Variants in SOX5 observed in about 807,000 individuals in gnomAD.
SOX5 encodes transcription factor SOX-5.
In SOX5, 9 loss-of-function variants were observed where a neutral mutation model predicts 92.0. The ratio of observed to expected loss-of-function variants is 0.10; its 90% CI spans 0.06 to 0.17. The LOEUF is 0.17. SOX5 is among the 10% of genes least tolerant of loss of function. The pLI, the probability that SOX5 is intolerant of heterozygous loss-of-function variation, is 1.00. For synonymous variants in SOX5, 344 were observed against 336.3 expected (o/e 1.02, Z -0.25); for missense variants, 642 against 944.5 (o/e 0.68, Z 4.20).
chr12:24,375,703 T>C (rs1957191924), intron 1 of SOX5, among the ~76,000 whole-genome samples: 1 of 135,436 alleles, frequency 7.4e-6, no homozygotes, highest in Admixed American at 8.1e-5. Flanking sequence ...GCCATTGCAC[T>C]CCAGCCTAGG....
chr12:23,780,904 A>C (rs2095264769), intron 3 of SOX5, among the ~76,000 whole-genome samples: 1 of 151,982 alleles, frequency 6.6e-6, no homozygotes, highest in African/African-American at 2.4e-5. Flanking sequence ...TAGAGGCTCT[A>C]CTCTAGACAT....
intron 12 of SOX5, among the ~76,000 whole-genome samples, chr12:23,544,919 G>A (rs1942821910): frequency 6.6e-6 from 1 of 152,094 alleles, no homozygotes; most frequent in Non-Finnish European, 1.5e-5. Context: ...AGCAACATAA[G>A]CAATAAAATG....
At chr12:24,101,354 G>A (rs1946072467) in intron 4 of SOX5, among the ~76,000 whole-genome samples, 1 of 152,006 alleles carries the variant, frequency 6.6e-6, no homozygotes, top group African/African-American at 2.4e-5. Flanking sequence ...TACAATTCCT[G>A]TGAATGCCCC....
intron 4 of SOX5, among the ~76,000 whole-genome samples, chr12:24,029,970 A>G (rs1955300798): frequency 6.6e-6 from 1 of 151,934 alleles, no homozygotes; most frequent in South Asian, 2.1e-4. Flanking sequence ...CTTCATGTGT[A>G]TTAATACCTT....
chr12:24,454,778 G>A (rs1373916889), intron 1 of SOX5, among the ~76,000 whole-genome samples: 1 of 151,980 alleles, frequency 6.6e-6, no homozygotes, highest in Admixed American at 6.6e-5. Flanking sequence ...TTATGTTTAT[G>A]GTAATAATAA....
chr12:23,910,892 A>T (rs986500039), intron 1 of SOX5, among the ~76,000 whole-genome samples: 1 of 152,152 alleles, frequency 6.6e-6, no homozygotes, highest in Non-Finnish European at 1.5e-5. Context: ...TATTATCTAT[A>T]GTTGCTTTCA....
intron 4 of SOX5, among the ~76,000 whole-genome samples, chr12:24,213,159 C>T (rs893435190): frequency 6.6e-6 from 1 of 151,636 alleles, no homozygotes; most frequent in African/African-American, 2.4e-5. Flanking sequence ...TTATTTTCAT[C>T]TTCAAACTAT....
intron 4 of SOX5, among the ~76,000 whole-genome samples, chr12:23,976,798 G>T (rs1256175756): frequency 6.6e-6 from 1 of 151,546 alleles, no homozygotes; most frequent in Non-Finnish European, 1.5e-5. Context: ...CTCGCGACTT[G>T]TTTTTTTCTG....
chr12:23,719,802 A>C (rs899649209), intron 6 of SOX5, among the ~76,000 whole-genome samples: 1 of 150,044 alleles, frequency 6.7e-6, no homozygotes, highest in Non-Finnish European at 1.5e-5. Context: ...AAAAAAAAAA[A>C]AAAAAAAAAC....
intron 6 of SOX5, among the ~76,000 whole-genome samples, chr12:23,696,676 C>G (rs1405519468): frequency 1.3e-5 from 2 of 152,082 alleles, no homozygotes; most frequent in Non-Finnish European, 2.9e-5. Context: ...AAGGGGAAAG[C>G]TTAGGTAATT....
In SOX5 at chr12:24,389,263, C is replaced by A. The variant is rs940661228; in HGVS notation, c.-250-20624G>T. Among the ~76,000 whole-genome samples, 8 of 152,222 alleles carry A rather than the reference C, an allele frequency of 5.3e-5. No homozygotes were observed. In the East Asian group the frequency reaches 1.4e-3, roughly 26 times the overall value. ...AGAATGATGATTTCCAATTTCATCCCTGTCCCTACAAAGGACATGAACTCA... is the reference window on the plus strand; with the variant it reads ...AGAATGATGATTTCCAATTTCATCCATGTCCCTACAAAGGACATGAACTCA... On this transcript the variant is annotated intron_variant, in intron 1 of 4. Transcript: ENST00000446891.
At chr12:24,076,339 C>T (rs1235104623) in intron 4 of SOX5, among the ~76,000 whole-genome samples, 1 of 152,104 alleles carries the variant, frequency 6.6e-6, no homozygotes, top group Middle Eastern at 3.2e-3. Context: ...GGCAAGCCCT[C>T]CATGCTCTCA....
chr12:24,366,220 C>G (rs1956158904), intron 2 of SOX5, among the ~76,000 whole-genome samples: 1 of 152,096 alleles, frequency 6.6e-6, no homozygotes, highest in Admixed American at 6.6e-5. Context: ...TCTTTCTTTG[C>G]TACCTAGCAT....
At chr12:23,997,556 T>C (rs959559648) in intron 4 of SOX5, among the ~76,000 whole-genome samples, 2 of 152,182 alleles carry the variant, frequency 1.3e-5, no homozygotes, top group Non-Finnish European at 2.9e-5. Context: ...AACATCAGCA[T>C]AAGATCGTGG....
intron 11 of SOX5, among the ~76,000 whole-genome samples, chr12:23,557,291 T>C (rs1224353333): frequency 1.3e-5 from 2 of 152,206 alleles, no homozygotes; most frequent in Admixed American, 1.3e-4. Flanking sequence ...ATACATGTTA[T>C]TTACCAAATT....
At chr12:23,577,191 A>ATATT (rs71059907) in intron 9 of SOX5, among the ~76,000 whole-genome samples, 11 of 61,402 alleles carry the variant, frequency 1.8e-4, no homozygotes, top group East Asian at 5.2e-4. Context: ...ATATATATAT[A>ATATT]TTTTTTTTTT....
intron 4 of SOX5, among the ~76,000 whole-genome samples, chr12:24,026,357 A>G (rs1390782735): frequency 2.0e-5 from 3 of 152,034 alleles, no homozygotes; most frequent in Non-Finnish European, 4.4e-5. Context: ...AAAAAAATTC[A>G]CTGATTGTAA....
chr12:24,111,095 C>T (rs1018437762), intron 4 of SOX5, among the ~76,000 whole-genome samples: 6 of 151,966 alleles, frequency 3.9e-5, no homozygotes, highest in African/African-American at 1.2e-4. Context: ...TCTCTACACA[C>T]TAGATGCCAA....
At chr12:24,557,013 C>CACTATGCT (rs1293527355) in intron 1 of SOX5, among the ~76,000 whole-genome samples, 10 of 152,164 alleles carry the variant, frequency 6.6e-5, no homozygotes, top group Admixed American at 5.9e-4. Context: ...TCATGACAGA[C>CACTATGCT]ACTATGCTAG....
Sources: allele counts gnomAD v4.1 joint callset (sites outside exome capture counted in the v4.1 genomes callset), GRCh38; gene constraint gnomAD v4.1.1; transcripts MANE v1.5; gene names NCBI Gene and HGNC (gene_info 2026-07-23, HGNC 2026-07-21).